Variants in PODXL observed in about 807,000 individuals in gnomAD.
PODXL encodes the protein podocalyxin like, also known as podocalyxin.
In PODXL, 20 loss-of-function variants were observed where a neutral mutation model predicts 48.9. The ratio of observed to expected loss-of-function variants is 0.41; its 90% CI spans 0.29 to 0.59. The LOEUF (loss-of-function observed/expected upper bound fraction) is 0.59. Ranked by LOEUF, PODXL falls within the 20% of genes least tolerant of loss-of-function variation. PODXL has a pLI of 0.31. For missense variants in PODXL, 606 were observed against 675.1 expected (o/e 0.90, Z 1.13); for synonymous variants, 295 against 287.4 (o/e 1.03, Z -0.27).
At chr7:131,531,115 C>T (rs1226667001) in intron 1 of PODXL, among the ~76,000 whole-genome samples, 1 of 152,166 alleles carries the variant, frequency 6.6e-6, no homozygotes, top group Non-Finnish European at 1.5e-5. Context: ...TGGTCATCCC[C>T]TTGCCCTGCT....
At chr7:131,535,293 T>C (rs1798356885) in intron 1 of PODXL, among the ~76,000 whole-genome samples, 1 of 152,074 alleles carries the variant, frequency 6.6e-6, no homozygotes, top group Non-Finnish European at 1.5e-5. Context: ...AGAAGGTACT[T>C]AATGCCACTG....
chr7:131,511,029 C>G lies in PODXL; in HGVS notation c.505G>C (p.Asp169His). The part of the protein sequence containing the change: ...GGKSSHSVTT[D>H]LTSTKAEHLT... ...TGTTCTGCCTTAGTGGATGTGAGGTCTGTGGTCACACTGTGGCTGCTTTTC... is the reference window on the plus strand; with the variant it reads ...TGTTCTGCCTTAGTGGATGTGAGGTGTGTGGTCACACTGTGGCTGCTTTTC... Residue 169 changes from aspartate to histidine, a missense_variant, in exon 2 of 9, where the codon GAC (aspartate) becomes CAC (histidine). Transcript: ENST00000378555. 1 of 1,614,088 alleles carries G rather than the reference C, an allele frequency of 6.2e-7. No individual in the cohort carries two copies. Among genetic ancestry groups the G allele is most frequent in the Non-Finnish European group, 8.5e-7 (1 of 1,180,006 alleles).
At position 131,533,588 on chromosome 7, in the gene PODXL, A is replaced by G. The variant is rs1584824453; in HGVS notation, c.101-22155T>C. On this transcript the variant is annotated intron_variant, in intron 1 of 8. Coordinates refer to ENST00000378555, the MANE Select transcript of PODXL (RefSeq NM_001018111.3). ...CTTGGGTGCATTTCTCCCTGCAGGG[A>G]GGGCACTGTGGCCAGATCACCTGTA... Among the ~76,000 whole-genome samples, 3 of 152,276 alleles carry G rather than the reference A, an allele frequency of 2.0e-5. No individual in the cohort carries two copies. The East Asian group carries it at 5.8e-4, about 29-fold the overall frequency.
intron 1 of PODXL, among the ~76,000 whole-genome samples, chr7:131,541,175 C>A (rs1235432943): frequency 6.6e-6 from 1 of 152,200 alleles, no homozygotes; most frequent in African/African-American, 2.4e-5. Context: ...CTGATGGTCA[C>A]CCGCTTACTC....
Position 131,547,374 on chromosome 7 carries a change from C to CAAAAAAA in PODXL, c.100+8879_100+8885dup, listed in dbSNP as rs10683140. ...GACAAACAAGAGTGAAACTCCGTCT[C>CAAAAAAA]AAAAAAAAAAAAAAAAAAAAAAAAT... On this transcript the variant is annotated intron_variant, in intron 1 of 8. Coordinates refer to ENST00000378555, the MANE Select transcript of PODXL (RefSeq NM_001018111.3). Among the ~76,000 whole-genome samples the CAAAAAAA allele has an allele frequency of 3.8e-3, 265 of 68,926 alleles. 17 individuals are homozygous for CAAAAAAA. The highest frequency in any genetic ancestry group is 0.012 in the Middle Eastern group (1 of 86). The allele number at this position is 68,926 out of a possible 152,430, so 45.2% of individuals were successfully genotyped here.
intron 1 of PODXL, among the ~76,000 whole-genome samples, chr7:131,523,740 G>C (rs1349017142): frequency 6.8e-6 from 1 of 147,544 alleles, no homozygotes; most frequent in African/African-American, 2.5e-5. Context: ...CATATGATCA[G>C]CAGACTCCTC....
intron 1 of PODXL, among the ~76,000 whole-genome samples, chr7:131,532,661 G>C (rs1798302009): frequency 6.6e-6 from 1 of 152,072 alleles, no homozygotes; most frequent in African/African-American, 2.4e-5. Flanking sequence ...ACTTCCCTGG[G>C]TATAAGGGGT....
chr7:131,524,379 C>CGCACACACACACAGAGAGAGAGAGAG (rs1554385138), intron 1 of PODXL, among the ~76,000 whole-genome samples: 2 of 104,052 alleles, frequency 1.9e-5, no homozygotes, highest in Non-Finnish European at 4.5e-5. Context: ...CACACACACA[C>CGCACACACACACAGAGAGAGAGAGAG]AGAGAGAGAG....
intron 1 of PODXL, among the ~76,000 whole-genome samples, chr7:131,538,196 C>T (rs573293117): frequency 6.6e-6 from 1 of 152,068 alleles, no homozygotes; most frequent in Non-Finnish European, 1.5e-5. Context: ...GATGACCCCC[C>T]TACCCCCAGG....
Position 131,510,845 on chromosome 7 carries a change from C to G in PODXL, c.689G>C (p.Gly230Ala). ...AIPGYTFTSP[G>A]MTTTLLETVF... ...TTACTTACGTAGGGTGGTGGTCATC[C>G]CCGGGCTTGTGAAGGTGTAGCCAGG... is the stretch of plus-strand genomic sequence containing the variant. Residue 230 changes from glycine to alanine, a missense_variant, in exon 2 of 9, where the codon GGG becomes GCG. Coordinates refer to ENST00000378555, the MANE Select transcript of PODXL (RefSeq NM_001018111.3). 1 of 1,614,050 alleles carries G rather than the reference C, an allele frequency of 6.2e-7. No individual in the cohort carries two copies. Among genetic ancestry groups the G allele is most frequent in the Non-Finnish European group, 8.5e-7 (1 of 1,180,020 alleles).
At chr7:131,504,556 G>A in intron 8 of PODXL, 48 bp from the exon 9 acceptor site, 1 of 1,521,748 alleles carries the variant, frequency 6.6e-7, no homozygotes, top group Non-Finnish European at 9.1e-7. Flanking sequence ...AGAGGGCTCT[G>A]AGCTTAATAC....
intron 1 of PODXL, among the ~76,000 whole-genome samples, chr7:131,524,362 GCACA>G (rs1416965067): frequency 1.0e-4 from 13 of 126,328 alleles, no homozygotes; most frequent in African/African-American, 1.5e-4. Context: ...ACACACACAC[GCACA>G]CACACACACA....
intron 1 of PODXL, among the ~76,000 whole-genome samples, chr7:131,536,993 C>T (rs996501572): frequency 1.9e-4 from 29 of 152,148 alleles, no homozygotes; most frequent in African/African-American, 6.0e-4. Context: ...GGTGTGGTGG[C>T]GCACACCTGT....
intron 1 of PODXL, among the ~76,000 whole-genome samples, chr7:131,549,493 G>A (rs926058522): frequency 1.3e-5 from 2 of 152,186 alleles, no homozygotes; most frequent in African/African-American, 2.4e-5. Flanking sequence ...GTAAGAAGGA[G>A]CTGTGGCTTC....
chr7:131,517,625 C>T (rs537490483), intron 1 of PODXL, among the ~76,000 whole-genome samples: 2 of 152,290 alleles, frequency 1.3e-5, no homozygotes, highest in East Asian at 1.9e-4. Flanking sequence ...ATGCTCCCTC[C>T]GAAGACACCA....
At position 131,556,536 on chromosome 7, in the gene PODXL, GC is replaced by G. The variant is rs2116881805; in HGVS notation, c.-178del. ...GCGGCTCTTCCTCCCTGCCGCTGCA[GC>G]AGAGCCGGGCTGGGGCGCAGAGCCA... is the stretch of plus-strand genomic sequence containing the variant. On this transcript the variant is annotated 5_prime_UTR_variant, in exon 1 of 9. Transcript: ENST00000378555. 1 of 702,742 alleles carries G rather than the reference GC, an allele frequency of 1.4e-6. No individual in the cohort carries two copies. Among genetic ancestry groups the G allele is most frequent in the East Asian group, 3.7e-5 (1 of 27,028 alleles). 43.5% of individuals were successfully genotyped at this position (702,742 alleles called of 1,614,324 possible).
chr7:131,531,463 C>G (rs759342094), intron 1 of PODXL, among the ~76,000 whole-genome samples: 67 of 152,144 alleles, frequency 4.4e-4, no homozygotes, highest in Non-Finnish European at 7.8e-4. Context: ...GGCTCTCTTC[C>G]CCATCTGCAT....
At chr7:131,540,370 GGA>G (rs935024851) in intron 1 of PODXL, among the ~76,000 whole-genome samples, 3 of 151,988 alleles carry the variant, frequency 2.0e-5, no homozygotes, top group Admixed American at 6.6e-5. Context: ...GTTCAGAAAA[GGA>G]GAGACAGACT....
chr7:131,549,252 G>A (rs1240063025), intron 1 of PODXL, among the ~76,000 whole-genome samples: 2 of 152,168 alleles, frequency 1.3e-5, no homozygotes, highest in Admixed American at 6.5e-5. Context: ...AGTGAACCAC[G>A]TACATATTGG....
Sources: gnomAD v4.1 joint callset for allele counts (sites outside exome capture counted in the v4.1 genomes callset) on GRCh38, gnomAD v4.1.1 for gene constraint, MANE v1.5 for transcripts, NCBI Gene and HGNC (gene_info 2026-07-23, HGNC 2026-07-21) for gene names.